TSPAN9: variants seen among roughly 807,000 people sequenced by gnomAD.
The protein encoded by TSPAN9 is tetraspanin-9.
In TSPAN9, 16 loss-of-function variants were observed where a neutral mutation model predicts 31.0. The ratio of observed to expected loss-of-function variants is 0.52; its 90% CI spans 0.35 to 0.78. The LOEUF (loss-of-function observed/expected upper bound fraction) is 0.78, where lower values mean the gene tolerates loss of function less well. Among genes scored for constraint, TSPAN9 ranks in the 30% least tolerant of loss-of-function variants. The probability of loss-of-function intolerance (pLI) is 0.01; values close to 1 mark genes in which losing one functional copy is unlikely to be tolerated. For synonymous variants in TSPAN9, 145 were observed against 121.6 expected (o/e 1.19, Z -1.27); for missense variants, 272 against 312.5 (o/e 0.87, Z 0.98).
intron 3 of TSPAN9, among the ~76,000 whole-genome samples, chr12:3,251,834 C>T (rs1274507343): frequency 1.3e-5 from 2 of 152,242 alleles, no homozygotes; most frequent in African/African-American, 2.4e-5. Context: ...AAAGGGGACC[C>T]GGCTCCCAGG....
chr12:3,203,442 G>A (rs1488090367), intron 3 of TSPAN9, among the ~76,000 whole-genome samples: 2 of 152,216 alleles, frequency 1.3e-5, no homozygotes, highest in African/African-American at 4.8e-5. Context: ...ATAGCTATGG[G>A]ATGACAAGCA....
intron 2 of TSPAN9, among the ~76,000 whole-genome samples, chr12:3,114,572 C>T (rs369460288): frequency 3.9e-5 from 6 of 152,122 alleles, no homozygotes; most frequent in South Asian, 2.1e-4. Context: ...GCAGTCTGGC[C>T]AGGCATGGTG....
intron 6 of TSPAN9, 58 bp from the exon 7 acceptor site, chr12:3,281,139 TG>T: frequency 6.5e-7 from 1 of 1,547,286 alleles, no homozygotes; most frequent in South Asian, 1.2e-5. Flanking sequence ...GGGAAGGCCC[TG>T]GGGAGGAAGG....
chr12:3,216,040 C>T (rs985791410), intron 3 of TSPAN9, among the ~76,000 whole-genome samples: 4 of 152,340 alleles, frequency 2.6e-5, no homozygotes, highest in South Asian at 4.1e-4. Flanking sequence ...TATCCCTGGT[C>T]GCCCTGCTTC....
At chr12:3,198,192 C>T (rs1401209853) in intron 2 of TSPAN9, among the ~76,000 whole-genome samples, 105 of 59,806 alleles carry the variant, frequency 1.8e-3, no homozygotes, top group Non-Finnish European at 2.3e-3. Flanking sequence ...CCAGCACAGG[C>T]CACCACCAGC....
At chr12:3,112,275 C>T (rs1432799157) in intron 2 of TSPAN9, among the ~76,000 whole-genome samples, 2 of 149,840 alleles carry the variant, frequency 1.3e-5, no homozygotes, top group Non-Finnish European at 3.0e-5. Context: ...CTCCTGGGTT[C>T]AAGCAATTCT....
At chr12:3,254,262 C>T (rs977872211) in intron 3 of TSPAN9, among the ~76,000 whole-genome samples, 1 of 152,182 alleles carries the variant, frequency 6.6e-6, no homozygotes, top group Non-Finnish European at 1.5e-5. Flanking sequence ...TTCAGGACTC[C>T]AGCTTCTTTT....
intron 2 of TSPAN9, among the ~76,000 whole-genome samples, chr12:3,127,163 G>A (rs970503468): frequency 2.0e-5 from 3 of 151,638 alleles, no homozygotes; most frequent in African/African-American, 7.3e-5. Context: ...CACTTTGGGA[G>A]GCTGAGGCAG....
At chr12:3,260,952 G>C (rs1345050027) in intron 3 of TSPAN9, among the ~76,000 whole-genome samples, 2 of 152,212 alleles carry the variant, frequency 1.3e-5, no homozygotes, top group Non-Finnish European at 2.9e-5. Flanking sequence ...GGAACGCCAT[G>C]ATCAGCCATA....
chr12:3,111,315 G>T (rs1049344480), intron 2 of TSPAN9, among the ~76,000 whole-genome samples: 3 of 152,160 alleles, frequency 2.0e-5, no homozygotes, highest in African/African-American at 7.2e-5. Flanking sequence ...GACATTTTTG[G>T]TTCATAGTTG....
At chr12:3,220,050 CAGG>C (rs1255861995) in intron 3 of TSPAN9, among the ~76,000 whole-genome samples, 1 of 151,168 alleles carries the variant, frequency 6.6e-6, no homozygotes, top group African/African-American at 2.4e-5. Flanking sequence ...AAGGCTAAGG[CAGG>C]AGAATTGCTT....
Position 3,168,353 on chromosome 12 carries a change from G to A in TSPAN9, c.-17-32824G>A, listed in dbSNP as rs533983557. ...CTTCCTTCAATTCAAGACCCAGAGG[G>A]GAGCCAAAATCTGTGCCTTCGCAAT... is the stretch of plus-strand genomic sequence containing the variant. On this transcript the variant is annotated intron_variant, in intron 2 of 8. Coordinates refer to ENST00000011898, the MANE Select transcript of TSPAN9 (RefSeq NM_006675.5). The surrounding 1 kb of genome is among the most constrained non-coding windows in gnomAD (Gnocchi z 4.0). Among the ~76,000 whole-genome samples the A allele has an allele frequency of 6.6e-6, 1 of 152,260 alleles. No individual in the cohort carries two copies. The highest frequency in any genetic ancestry group is 1.9e-4 in the East Asian group (1 of 5,172).
chr12:3,274,277 A>G (rs1215586613), intron 3 of TSPAN9, among the ~76,000 whole-genome samples: 1 of 152,226 alleles, frequency 6.6e-6, no homozygotes, highest in African/African-American at 2.4e-5. Context: ...TGAGAGCACC[A>G]TGTCTCAGAC....
intron 3 of TSPAN9, among the ~76,000 whole-genome samples, chr12:3,260,126 C>CA (rs1334133961): frequency 6.6e-6 from 1 of 152,248 alleles, no homozygotes; most frequent in Non-Finnish European, 1.5e-5. Flanking sequence ...GGCTGGAGCT[C>CA]CCAGGCAGGG....
At chr12:3,096,531 T>TTTAA (rs113019712) in intron 2 of TSPAN9, among the ~76,000 whole-genome samples, 4 of 151,684 alleles carry the variant, frequency 2.6e-5, no homozygotes, top group Non-Finnish European at 5.9e-5. Context: ...GAAATATTTT[T>TTTAA]TGAATGAATG....
chr12:3,115,109 C>T (rs1316502853), intron 2 of TSPAN9, among the ~76,000 whole-genome samples: 3 of 150,676 alleles, frequency 2.0e-5, no homozygotes, highest in Admixed American at 6.6e-5. Flanking sequence ...TCTGAGTCAA[C>T]CATTAATGTA....
intron 3 of TSPAN9, among the ~76,000 whole-genome samples, chr12:3,223,620 G>A (rs2098385684): frequency 6.6e-6 from 1 of 152,156 alleles, no homozygotes; most frequent in Non-Finnish European, 1.5e-5. Flanking sequence ...GTGAATCTGA[G>A]GCCAGATCAT....
At chr12:3,270,199 TAGAA>T in intron 3 of TSPAN9, among the ~76,000 whole-genome samples, 1 of 152,282 alleles carries the variant, frequency 6.6e-6, no homozygotes, top group Admixed American at 6.5e-5. Context: ...GTTTGAGAAG[TAGAA>T]AGATGCTGGC....
In TSPAN9 at chr12:3,106,808, C is replaced by T. The variant is rs193035052; in HGVS notation, c.-18+23089C>T. On this transcript the variant is annotated intron_variant, in intron 2 of 8. Coordinates refer to ENST00000011898, the MANE Select transcript of TSPAN9 (RefSeq NM_006675.5). ...CAAAACAAAACAGTAAAAGAGGTGCCCCTCCCTAGGCTTCCTGGCTATATA... is the reference window on the plus strand; with the variant it reads ...CAAAACAAAACAGTAAAAGAGGTGCTCCTCCCTAGGCTTCCTGGCTATATA... Among the ~76,000 whole-genome samples the T allele has an allele frequency of 5.9e-5, 9 of 152,196 alleles. No individual in the cohort carries two copies. The East Asian group carries it at 1.6e-3, about 26-fold the overall frequency.
Sources: gnomAD v4.1 joint callset for allele counts (sites outside exome capture counted in the v4.1 genomes callset) on GRCh38, gnomAD v4.1.1 for gene constraint, Gnocchi (gnomAD v3.1) non-coding constraint, MANE v1.5 for transcripts, NCBI Gene and HGNC (gene_info 2026-07-23, HGNC 2026-07-21) for gene names.